Variants in SPIRE1 observed in about 807,000 individuals in gnomAD.
SPIRE1 encodes the protein protein spire homolog 1.
Under a neutral mutation model 94.1 loss-of-function variants are expected in SPIRE1, and 40 were observed. The ratio of observed to expected loss-of-function variants is 0.43; its 90% CI spans 0.33 to 0.55. The LOEUF (loss-of-function observed/expected upper bound fraction) is 0.55. Among genes scored for constraint, SPIRE1 ranks in the 20% least tolerant of loss-of-function variants. The pLI, the probability that SPIRE1 is intolerant of heterozygous loss-of-function variation, is 0.06. For synonymous variants in SPIRE1, 376 were observed against 371.7 expected (o/e 1.01, Z -0.13); for missense variants, 838 against 975.2 (o/e 0.86, Z 1.87).
chr18:12,497,380 GCA>G (rs1180330224), intron 6 of SPIRE1, among the ~76,000 whole-genome samples: 2 of 151,994 alleles, frequency 1.3e-5, no homozygotes, highest in Non-Finnish European at 2.9e-5. Context: ...CACTTAGAAG[GCA>G]CAGTCATGAC....
intron 1 of SPIRE1, among the ~76,000 whole-genome samples, chr18:12,640,663 AGAT>A (rs1328622858): frequency 1.3e-5 from 2 of 152,212 alleles, no homozygotes; most frequent in Non-Finnish European, 2.9e-5. Context: ...TTCCTCCAAA[AGAT>A]GATATTTAAA....
intron 2 of SPIRE1, among the ~76,000 whole-genome samples, chr18:12,569,456 A>C (rs1014598741): frequency 1.3e-5 from 2 of 152,148 alleles, no homozygotes; most frequent in Admixed American, 1.3e-4. Flanking sequence ...ATATTTTGCC[A>C]GAAAAGCATA....
intron 2 of SPIRE1, among the ~76,000 whole-genome samples, chr18:12,610,552 C>A (rs56132337): frequency 0.086 from 13,037 of 152,152 alleles, 802 homozygotes; most frequent in Non-Finnish European, 0.13. Context: ...TTTGGACAGA[C>A]CACACACTGG....
At chr18:12,516,856 T>C (rs1351314628) in intron 4 of SPIRE1, among the ~76,000 whole-genome samples, 1 of 152,232 alleles carries the variant, frequency 6.6e-6, no homozygotes, top group Non-Finnish European at 1.5e-5. Context: ...AGGGTGTCAC[T>C]GTTAGGCCTG....
chr18:12,494,603 G>A (rs1230534246), intron 7 of SPIRE1, among the ~76,000 whole-genome samples: 1 of 151,906 alleles, frequency 6.6e-6, no homozygotes, highest in Non-Finnish European at 1.5e-5. Context: ...GCCGAGGTGG[G>A]CGGATCACGA....
intron 2 of SPIRE1, among the ~76,000 whole-genome samples, chr18:12,627,815 G>A (rs2037673783): frequency 6.6e-6 from 1 of 152,190 alleles, no homozygotes; most frequent in South Asian, 2.1e-4. Flanking sequence ...CAGTGATGAT[G>A]AGCATTTTCT....
intron 1 of SPIRE1, among the ~76,000 whole-genome samples, chr18:12,649,141 G>A (rs2038306574): frequency 6.6e-6 from 1 of 152,166 alleles, no homozygotes; most frequent in Non-Finnish European, 1.5e-5. Flanking sequence ...GTCAGGCACA[G>A]TGGCTCGCAC....
intron 6 of SPIRE1, among the ~76,000 whole-genome samples, chr18:12,501,072 CAAAAAAAAAAAAAAA>C (rs67894900): frequency 1.2e-5 from 1 of 80,226 alleles, no homozygotes; most frequent in South Asian, 6.8e-4. Flanking sequence ...AACTCTGTCT[CAAAAAAAAAAAAAAA>C]AAAAAAAAGA....
chr18:12,454,365 G>A lies in SPIRE1; in HGVS notation c.1757C>T (p.Thr586Ile). Residue 586 changes from threonine (T) to isoleucine (I), a missense_variant, in exon 13 of 17, where the codon ACC becomes ATC. By Grantham distance (89) the Thr-to-Ile change is moderately conservative (BLOSUM62 -1). Transcript: ENST00000409402. Reference sequence around the variant, plus strand: ...CACTACCTTTCCTTTTTTCAAGGCGGTGTAGATGTCTTTATACTGTTGGTA... The same window carrying A: ...CACTACCTTTCCTTTTTTCAAGGCGATGTAGATGTCTTTATACTGTTGGTA... ...EKYQQYKDIYTALKKGKLCFC... is the reference protein window; with the variant it reads ...EKYQQYKDIYIALKKGKLCFC... 1 of 1,613,984 alleles carries A rather than the reference G, an allele frequency of 6.2e-7. No homozygotes were observed.
chr18:12,550,909 T>C (rs12953406), intron 2 of SPIRE1, among the ~76,000 whole-genome samples: 61,004 of 152,076 alleles, frequency 0.4, 14,363 homozygotes, highest in East Asian at 0.59. Context: ...CTACAGATCC[T>C]TCCTCCTGCA....
At chr18:12,531,637 A>G (rs555451715) in intron 4 of SPIRE1, among the ~76,000 whole-genome samples, 5 of 152,332 alleles carry the variant, frequency 3.3e-5, no homozygotes, top group African/African-American at 1.2e-4. Context: ...GGATTGTTAC[A>G]AGGATCAAAT....
intron 13 of SPIRE1, among the ~76,000 whole-genome samples, chr18:12,453,947 G>T (rs1429053921): frequency 1.3e-5 from 2 of 151,792 alleles, no homozygotes; most frequent in Non-Finnish European, 2.9e-5. Context: ...ACCATGCCCA[G>T]CTAATTTTTG....
chr18:12,558,053 A>C (rs1007090655), intron 2 of SPIRE1, among the ~76,000 whole-genome samples: 4 of 152,188 alleles, frequency 2.6e-5, no homozygotes, highest in Non-Finnish European at 4.4e-5. Context: ...TAAATGTAAG[A>C]CCTCAAATTA....
chr18:12,662,066 G>T, upstream of SPIRE1: 1 of 374,496 alleles, frequency 2.7e-6, no homozygotes, highest in Non-Finnish European at 5.3e-6. Flanking sequence ...ATACTCTGGA[G>T]GTACTGGCTG....
intron 7 of SPIRE1, among the ~76,000 whole-genome samples, chr18:12,494,350 C>A (rs530988562): frequency 6.6e-6 from 1 of 152,066 alleles, no homozygotes. Context: ...CTCAGAGATA[C>A]GTGGCTGCTA....
intron 1 of SPIRE1, among the ~76,000 whole-genome samples, chr18:12,636,678 G>A (rs550795929): frequency 6.6e-6 from 1 of 152,046 alleles, no homozygotes; most frequent in South Asian, 2.1e-4. Context: ...AAGACTACAT[G>A]AACATATATA....
intron 2 of SPIRE1, among the ~76,000 whole-genome samples, chr18:12,585,071 TGGGATTACA>T (rs2036358390): frequency 6.6e-6 from 1 of 152,202 alleles, no homozygotes; most frequent in African/African-American, 2.4e-5. Flanking sequence ...CCCAAAGTGC[TGGGATTACA>T]GGCGTGAGCT....
At chr18:12,596,149 G>A (rs2036665961) in intron 2 of SPIRE1, among the ~76,000 whole-genome samples, 1 of 152,288 alleles carries the variant, frequency 6.6e-6, no homozygotes, top group African/African-American at 2.4e-5. Flanking sequence ...TATGAATGGA[G>A]TTTTCAAGTA....
At chr18:12,633,818 G>A (rs1008038164) in intron 2 of SPIRE1, among the ~76,000 whole-genome samples, 2 of 152,122 alleles carry the variant, frequency 1.3e-5, no homozygotes, top group African/African-American at 4.8e-5. Context: ...ATCTAAGGAT[G>A]ATGAAACTGC....
Sources: allele counts gnomAD v4.1 joint callset (sites outside exome capture counted in the v4.1 genomes callset), GRCh38; gene constraint gnomAD v4.1.1; transcripts MANE v1.5; gene names NCBI Gene and HGNC (gene_info 2026-07-23, HGNC 2026-07-21).